The following MN1 variants were observed in gnomAD, a reference collection of about 807,000 sequenced individuals.
MN1 encodes the protein transcriptional activator MN1.
MN1 carries 19 observed loss-of-function variants against 86.9 expected under a neutral mutation model. That is an observed-to-expected ratio of 0.22 (90% CI 0.15 to 0.32). The LOEUF is 0.32. Among genes scored for constraint, MN1 ranks in the 10% least tolerant of loss-of-function variants. The pLI, the probability that MN1 is intolerant of heterozygous loss-of-function variation, is 1.00. For synonymous variants in MN1, 928 were observed against 849.6 expected (o/e 1.09, Z -1.60); for missense variants, 1,841 against 1,862.0 (o/e 0.99, Z 0.21).
At chr22:27,756,276 T>C (rs534020479) in intron 1 of MN1, among the ~76,000 whole-genome samples, 1 of 152,234 alleles carries the variant, frequency 6.6e-6, no homozygotes, top group Non-Finnish European at 1.5e-5. Context: ...TTTTCTTTTT[T>C]TCTTTGAAGT....
chr22:27,796,555 T>C (rs578120014), intron 1 of MN1, among the ~76,000 whole-genome samples: 1 of 97,972 alleles, frequency 1.0e-5, no homozygotes, highest in East Asian at 3.4e-4. Context: ...CCTGGTAACA[T>C]GTGGGGGGCT....
At position 27,750,959 on chromosome 22, in the gene MN1, C is replaced by T. The variant is rs568489325; in HGVS notation, c.3919G>A (p.Asp1307Asn). Residue 1307 changes from aspartate (D) to asparagine (N), a missense_variant, in exon 2 of 2, where the codon GAC becomes AAC. Asp to Asn is a conservative substitution (Grantham distance 23, BLOSUM62 1). Transcript: ENST00000302326. Reference protein sequence around the residue: ...SVPTWRSLHSDISNRFGTFVA... With the variant: ...SVPTWRSLHSNISNRFGTFVA... ...AATGTCCCAAATCTGTTGGAGATGT[C>T]AGAATGCAGGGACCGCCAGGTGGGC... 1.2e-5 allele frequency: 20 copies of T among 1,611,580 alleles called. No homozygotes were observed. In the Admixed American group the frequency reaches 3.0e-4, roughly 24 times the overall value.
At chr22:27,765,278 C>T (rs1932860677) in intron 1 of MN1, among the ~76,000 whole-genome samples, 1 of 152,214 alleles carries the variant, frequency 6.6e-6, no homozygotes, top group African/African-American at 2.4e-5. Context: ...TTCGTGCTGT[C>T]ACTTTTAGGG....
At chr22:27,778,287 T>C (rs375109510) in intron 1 of MN1, among the ~76,000 whole-genome samples, 7 of 152,208 alleles carry the variant, frequency 4.6e-5, no homozygotes, top group African/African-American at 1.4e-4. Flanking sequence ...CTGGTTGGCG[T>C]TGTAACACAT....
intron 1 of MN1, among the ~76,000 whole-genome samples, chr22:27,766,944 A>G (rs1429161486): frequency 6.6e-6 from 1 of 152,022 alleles, no homozygotes; most frequent in African/African-American, 2.4e-5. Flanking sequence ...TCACCTGACT[A>G]ACTCTTCTCC....
chr22:27,767,253 C>T (rs1008624713), intron 1 of MN1, among the ~76,000 whole-genome samples: 3 of 152,298 alleles, frequency 2.0e-5, no homozygotes, highest in Admixed American at 2.0e-4. Flanking sequence ...CACCACATCA[C>T]CTGAGCCCCC....
chr22:27,796,807 G>A lies in MN1; in HGVS notation c.3737C>T (p.Ala1246Val), dbSNP rs772560420. 1.2e-6 allele frequency: 2 copies of A among 1,608,868 alleles called. No individual in the cohort carries two copies. Among genetic ancestry groups the A allele is most frequent in the South Asian group, 1.1e-5 (1 of 91,008 alleles). The part of the protein sequence containing the change: ...VDSADDDKTL[A>V]PWEKAKPQNP... ...CTGGGGTTTGGCCTTCTCCCAGGGC[G>A]CCAACGTCTTGTCGTCGTCCGCGCT... is the stretch of plus-strand genomic sequence containing the variant. Residue 1246 changes from alanine (A) to valine (V), a missense_variant, in exon 1 of 2, where the codon GCG becomes GTG. By Grantham distance (64) the Ala-to-Val change is moderately conservative. Coordinates refer to ENST00000302326, the MANE Select transcript of MN1 (RefSeq NM_002430.3).
chr22:27,762,338 G>A (rs1225534217), intron 1 of MN1, among the ~76,000 whole-genome samples: 1 of 152,144 alleles, frequency 6.6e-6, no homozygotes, highest in Non-Finnish European at 1.5e-5. Context: ...TATGAAATGG[G>A]GATGGAGACA....
chr22:27,761,046 C>G (rs1448754031), intron 1 of MN1, among the ~76,000 whole-genome samples: 10 of 152,170 alleles, frequency 6.6e-5, no homozygotes, highest in Admixed American at 1.3e-4. Flanking sequence ...GAGCCAAGGT[C>G]ACACCCAGAG....
intron 1 of MN1, among the ~76,000 whole-genome samples, chr22:27,775,661 A>G (rs910146162): frequency 4.6e-5 from 7 of 152,176 alleles, no homozygotes; most frequent in African/African-American, 1.2e-4. Flanking sequence ...TGATGCTGCT[A>G]TGACTGCCCT....
intron 1 of MN1, among the ~76,000 whole-genome samples, chr22:27,767,977 G>A (rs112750641): frequency 9.9e-5 from 15 of 152,194 alleles, no homozygotes; most frequent in East Asian, 3.9e-4. Flanking sequence ...GTTCAGAGAC[G>A]TGGGGTGACT....
chr22:27,798,126 C>A lies in MN1; in HGVS notation c.2418G>T (p.Ser806=), dbSNP rs755474680. 7.5e-6 allele frequency: 12 copies of A among 1,606,852 alleles called. No individual in the cohort carries two copies. The South Asian group carries it at 7.7e-5, about 10-fold the overall frequency. ...RTSASKLGAL[S]LGSFNKPSSK... ...AGCTGGGCTTGTTGAAGGAGCCCAG[C>A]GAGAGCGCGCCCAATTTACTGGCCG... The change falls in exon 1 of 2, where the codon TCG becomes TCT. Residue 806 remains serine (S), a synonymous_variant. Coordinates refer to ENST00000302326, the MANE Select transcript of MN1 (RefSeq NM_002430.3).
rs1156279505 is a variant in MN1 at position 27,750,481 on chromosome 22, G to C, written c.*434C>G. 9.0e-6 allele frequency: 2 copies of C among 221,918 alleles called. No individual in the cohort carries two copies. Among genetic ancestry groups the C allele is most frequent in the Non-Finnish European group, 1.8e-5 (2 of 111,218 alleles). The allele number at this position is 221,918 out of a possible 1,614,324, so 13.7% of individuals were successfully genotyped here. On this transcript the variant is annotated 3_prime_UTR_variant, in exon 2 of 2. Coordinates refer to ENST00000302326, the MANE Select transcript of MN1 (RefSeq NM_002430.3). Reference sequence around the variant, plus strand: ...ATAAAAGGGGAGGGGGTAAGAAAAGGAAAAAGAATAAAAAAGAAAGCAACT... The same window carrying C: ...ATAAAAGGGGAGGGGGTAAGAAAAGCAAAAAGAATAAAAAAGAAAGCAACT...
Position 27,797,389 on chromosome 22 carries a change from C to T in MN1, c.3155G>A (p.Ser1052Asn), listed in dbSNP as rs768923539. 5.6e-6 allele frequency: 9 copies of T among 1,611,904 alleles called. No individual in the cohort carries two copies. Among genetic ancestry groups the T allele is most frequent in the Non-Finnish European group, 6.8e-6 (8 of 1,179,912 alleles). Residue 1052 changes from serine to asparagine, a missense_variant, in exon 1 of 2, where the codon AGC becomes AAC. Coordinates refer to ENST00000302326, the MANE Select transcript of MN1 (RefSeq NM_002430.3). ...GEFASDEVSTSYANEDEVSSS... is the reference protein window; with the variant it reads ...GEFASDEVSTNYANEDEVSSS... ...CGACACCTCGTCCTCATTGGCGTAGCTCGTGCTCACCTCGTCCGAGGCGAA... is the reference window on the plus strand; with the variant it reads ...CGACACCTCGTCCTCATTGGCGTAGTTCGTGCTCACCTCGTCCGAGGCGAA...
intron 1 of MN1, among the ~76,000 whole-genome samples, chr22:27,782,425 G>A (rs1045121139): frequency 2.0e-5 from 3 of 152,130 alleles, no homozygotes; most frequent in Admixed American, 6.5e-5. Flanking sequence ...CCCTCCAGCC[G>A]GCACCACTTG....
intron 1 of MN1, among the ~76,000 whole-genome samples, chr22:27,782,993 G>A (rs555521341): frequency 1.3e-5 from 2 of 152,270 alleles, no homozygotes; most frequent in East Asian, 3.9e-4. Flanking sequence ...GAAACCCACA[G>A]CAACCATCTG....
intron 1 of MN1, among the ~76,000 whole-genome samples, chr22:27,795,774 C>A (rs1459575220): frequency 1.3e-5 from 2 of 152,072 alleles, no homozygotes; most frequent in African/African-American, 4.8e-5. Context: ...AACCTCCATT[C>A]AGATAAAATA....
intron 1 of MN1, among the ~76,000 whole-genome samples, chr22:27,754,562 G>A (rs550478510): frequency 6.6e-6 from 1 of 152,358 alleles, no homozygotes; most frequent in South Asian, 2.1e-4. Flanking sequence ...TTATTCTTCA[G>A]TTCTTGACAA....
chr22:27,764,221 C>T (rs966292010), intron 1 of MN1, among the ~76,000 whole-genome samples: 6 of 152,202 alleles, frequency 3.9e-5, no homozygotes, highest in Admixed American at 2.6e-4. Context: ...CTAACCTTGC[C>T]GTAGAACACC....
Sources: allele counts gnomAD v4.1 joint callset (sites outside exome capture counted in the v4.1 genomes callset), GRCh38; gene constraint gnomAD v4.1.1; transcripts MANE v1.5; gene names NCBI Gene and HGNC (gene_info 2026-07-23, HGNC 2026-07-21).